The following ARIH1 variants were observed in gnomAD, a reference collection of about 807,000 sequenced individuals.
ARIH1 encodes the protein E3 ubiquitin-protein ligase ARIH1.
Under a neutral mutation model 85.0 loss-of-function variants are expected in ARIH1, and 8 were observed. The ratio of observed to expected loss-of-function variants is 0.09; its 90% confidence interval spans 0.06 to 0.17. The LOEUF (loss-of-function observed/expected upper bound fraction) is 0.17. Ranked by LOEUF, ARIH1 falls within the 10% of genes least tolerant of loss-of-function variation. The pLI is 1.00. For synonymous variants in ARIH1, 238 were observed against 253.6 expected, an observed-to-expected ratio of 0.94 and a Z score of 0.59; for missense variants, 311 against 718.1, an observed-to-expected ratio of 0.43 and a Z score of 6.48.
At position 72,475,033 on chromosome 15, in the gene ARIH1, C is replaced by T. The variant is rs372987160; in HGVS notation, c.375+19C>T. 3.9e-5 allele frequency: 61 copies of T among 1,549,188 alleles called. No individual in the cohort carries two copies. In the Admixed American group the frequency reaches 1.1e-3, roughly 28 times the overall value. On this transcript the variant is annotated intron_variant, in intron 1 of 13. Transcript: ENST00000379887. ...CATCCAGGTGAGGGTGGCCGCCGCG[C>T]CAGCTGGACCGGGCCCGACGGGGGA...
chr15:72,559,269 T>C (rs1479776623), intron 5 of ARIH1, among the ~76,000 whole-genome samples: 1 of 152,114 alleles, frequency 6.6e-6, no homozygotes, highest in Non-Finnish European at 1.5e-5. Context: ...GGGTTTTTTT[T>C]GTTTTTTGTT....
At chr15:72,484,065 C>T (rs149399278) in intron 1 of ARIH1, among the ~76,000 whole-genome samples, 4,488 of 150,498 alleles carry the variant, frequency 0.03, 117 homozygotes, top group East Asian at 0.12. Flanking sequence ...CCCAGCTACT[C>T]GGGAGGCTGA....
At chr15:72,565,893 C>T (rs1004516184) in intron 7 of ARIH1, among the ~76,000 whole-genome samples, 14 of 152,084 alleles carry the variant, frequency 9.2e-5, no homozygotes, top group African/African-American at 3.4e-4. Context: ...GACTTTTTGC[C>T]ATTCGTAAAT....
intron 1 of ARIH1, among the ~76,000 whole-genome samples, chr15:72,484,876 T>G (rs11632652): frequency 0.12 from 18,377 of 151,996 alleles, 1,329 homozygotes; most frequent in Non-Finnish European, 0.16. Flanking sequence ...AGTTGCGAAT[T>G]GTACTGCTAC....
chr15:72,492,332 A>G (rs890686768), intron 1 of ARIH1, among the ~76,000 whole-genome samples: 9 of 152,252 alleles, frequency 5.9e-5, no homozygotes, highest in East Asian at 1.9e-4. Flanking sequence ...TTCTGGAAGA[A>G]TAGCACCGTG....
chr15:72,557,361 T>C (rs2064178826), intron 5 of ARIH1, among the ~76,000 whole-genome samples: 4 of 152,126 alleles, frequency 2.6e-5, no homozygotes, highest in Non-Finnish European at 5.9e-5. Context: ...AATGGCTACT[T>C]CGTTGACAAA....
chr15:72,581,828 G>T (rs1424606142), intron 12 of ARIH1: 3 of 324,180 alleles, frequency 9.3e-6, no homozygotes, highest in African/African-American at 2.1e-5. Flanking sequence ...CTTTCAAATG[G>T]TCTTCAGTAT....
intron 1 of ARIH1, among the ~76,000 whole-genome samples, chr15:72,485,881 T>A (rs952835655): frequency 1.3e-5 from 2 of 152,184 alleles, no homozygotes; most frequent in African/African-American, 4.8e-5. Context: ...GAATGAGAAT[T>A]TATTTAGGTT....
intron 1 of ARIH1, among the ~76,000 whole-genome samples, chr15:72,488,971 A>G (rs1209299687): frequency 6.6e-6 from 1 of 152,228 alleles, no homozygotes; most frequent in African/African-American, 2.4e-5. Flanking sequence ...ACCCAGGTGC[A>G]GTGGCTCACG....
intron 1 of ARIH1, among the ~76,000 whole-genome samples, chr15:72,489,816 C>A (rs1291528175): frequency 6.6e-6 from 1 of 152,140 alleles, no homozygotes; most frequent in African/African-American, 2.4e-5. Context: ...AAGATGTCAA[C>A]CCTGGTATGG....
chr15:72,544,164 T>A (rs2064119321), intron 2 of ARIH1, among the ~76,000 whole-genome samples: 1 of 152,172 alleles, frequency 6.6e-6, no homozygotes, highest in South Asian at 2.1e-4. Context: ...AAGATACACT[T>A]CTTTGTTTTA....
rs1239167086 is a variant in ARIH1 at position 72,602,430 on chromosome 15, T to G, written c.*19138T>G. 2.0e-5 allele frequency: 3 copies of G among 152,266 alleles called. No individual in the cohort carries two copies. Among genetic ancestry groups the G allele is most frequent in the Non-Finnish European group, 2.9e-5 (2 of 68,048 alleles). The allele number at this position is 152,266 out of a possible 1,614,324, so 9.4% of individuals were successfully genotyped here. On this transcript the variant is annotated 3_prime_UTR_variant, in exon 14 of 14. Transcript: ENST00000379887. Reference sequence around the variant, plus strand: ...CATATGTTAAAGAGCCATTTGTATTTCTTGGTGAATTGTTCATAAACTTTG... The same window carrying G: ...CATATGTTAAAGAGCCATTTGTATTGCTTGGTGAATTGTTCATAAACTTTG...
chr15:72,569,165 C>T (rs544347036), intron 9 of ARIH1, among the ~76,000 whole-genome samples: 47 of 152,098 alleles, frequency 3.1e-4, no homozygotes, highest in African/African-American at 1.1e-3. Flanking sequence ...AAAAATTAGC[C>T]GAGCATGGTG....
At position 72,581,881 on chromosome 15, in the gene ARIH1, T is replaced by A. The variant is rs1368110011; in HGVS notation, c.1477-194T>A. On this transcript the variant is annotated intron_variant, in intron 12 of 13. Transcript: ENST00000379887. Reference sequence around the variant, plus strand: ...GTGAAATCTTTCGTTCTTTTAACATTTAAAAAATTGTTCTGGAAAAGAACA... The same window carrying A: ...GTGAAATCTTTCGTTCTTTTAACATATAAAAAATTGTTCTGGAAAAGAACA... 9.7e-6 allele frequency: 4 copies of A among 414,284 alleles called. No individual in the cohort carries two copies. In the East Asian group the frequency reaches 1.1e-4, roughly 11 times the overall value. 25.7% of individuals were successfully genotyped at this position (414,284 alleles called of 1,614,324 possible).
chr15:72,577,701 G>A (rs1047288370), intron 11 of ARIH1, among the ~76,000 whole-genome samples: 5 of 151,836 alleles, frequency 3.3e-5, no homozygotes, highest in African/African-American at 7.3e-5. Context: ...ACAAAAAAAC[G>A]GATCATCATA....
At chr15:72,571,998 A>T in intron 10 of ARIH1, 110 bp from the exon 11 acceptor site, 2 of 725,200 alleles carry the variant, frequency 2.8e-6, no homozygotes, top group Non-Finnish European at 4.6e-6. Flanking sequence ...GTTATAAAAG[A>T]TAACGTTGGT....
At chr15:72,506,367 A>AAAAAAAAG (rs2063925658) in intron 1 of ARIH1, among the ~76,000 whole-genome samples, 1 of 140,758 alleles carries the variant, frequency 7.1e-6, no homozygotes, top group Non-Finnish European at 1.6e-5. Context: ...AAAAAAAAAG[A>AAAAAAAAG]AAAAAAAAAA....
intron 2 of ARIH1, among the ~76,000 whole-genome samples, chr15:72,532,581 T>TA (rs1271955359): frequency 1.3e-5 from 2 of 152,112 alleles, no homozygotes; most frequent in African/African-American, 4.8e-5. Context: ...ATAACCTTTA[T>TA]ACCAAAACCC....
At chr15:72,577,738 G>A (rs761795225) in intron 11 of ARIH1, among the ~76,000 whole-genome samples, 2 of 152,150 alleles carry the variant, frequency 1.3e-5, no homozygotes, top group Non-Finnish European at 2.9e-5. Flanking sequence ...GTAGGCTGAG[G>A]AGGAAAGAAA....
Sources: gnomAD v4.1 joint callset for allele counts (sites outside exome capture counted in the v4.1 genomes callset) on GRCh38, gnomAD v4.1.1 for gene constraint, MANE v1.5 for transcripts, NCBI Gene and HGNC (gene_info 2026-07-23, HGNC 2026-07-21) for gene names.